Variants in ARAP2 observed in about 807,000 individuals in gnomAD.
ARAP2 encodes arf-GAP with Rho-GAP domain, ANK repeat and PH domain-containing protein 2.
A neutral mutation model predicts 194.5 loss-of-function variants in ARAP2; 148 were observed. That is an observed-to-expected ratio of 0.76 (90% CI 0.67 to 0.87). The LOEUF (loss-of-function observed/expected upper bound fraction) is 0.87, where lower values mean the gene tolerates loss of function less well. Among genes scored for constraint, ARAP2 ranks in the 40% least tolerant of loss-of-function variants. ARAP2 has a pLI of 0.00. For missense variants in ARAP2, 2,128 were observed against 1,989.7 expected (o/e 1.07, Z -1.32); for synonymous variants, 695 against 683.5 (o/e 1.02, Z -0.26).
At chr4:36,171,480 T>C (rs1358025983) in intron 9 of ARAP2, among the ~76,000 whole-genome samples, 2 of 143,710 alleles carry the variant, frequency 1.4e-5, no homozygotes, top group Non-Finnish European at 3.0e-5. Context: ...TGAGAACACA[T>C]GGACACAGGA....
At chr4:36,238,623 A>T (rs1752884190) in intron 1 of ARAP2, among the ~76,000 whole-genome samples, 1 of 152,230 alleles carries the variant, frequency 6.6e-6, no homozygotes, top group African/African-American at 2.4e-5. Flanking sequence ...TTCAAGTTTT[A>T]TACACCATTT....
downstream of ARAP2, among the ~76,000 whole-genome samples, chr4:36,062,685 G>T (rs1724660458): frequency 6.6e-6 from 1 of 151,232 alleles, no homozygotes; most frequent in Non-Finnish European, 1.5e-5. Context: ...GTTGAAAAAA[G>T]TCAACAAGTT....
chr4:36,153,423 C>A (rs1731478471), intron 15 of ARAP2, among the ~76,000 whole-genome samples: 1 of 152,150 alleles, frequency 6.6e-6, no homozygotes. Flanking sequence ...CTCTGCTCCA[C>A]AAGTCATTTT....
chr4:36,020,941 A>G (rs1418964098), intron 5 of ARAP2, among the ~76,000 whole-genome samples: 1 of 152,196 alleles, frequency 6.6e-6, no homozygotes, highest in Non-Finnish European at 1.5e-5. Context: ...AAACTTAATT[A>G]CTAATTAGAT....
At chr4:36,073,038 T>A (rs756617375) in intron 32 of ARAP2, among the ~76,000 whole-genome samples, 3 of 152,154 alleles carry the variant, frequency 2.0e-5, no homozygotes, top group Non-Finnish European at 2.9e-5. Context: ...TTTCAGAGAC[T>A]CAATTAAGAC....
At position 36,128,882 on chromosome 4, in the gene ARAP2, A is replaced by G. The variant is rs1232213911; in HGVS notation, c.3428-137T>C. On this transcript the variant is annotated intron_variant, in intron 20 of 32. Coordinates refer to ENST00000303965, the MANE Select transcript of ARAP2 (RefSeq NM_015230.4). ...TACGCAAGAGATGATATAAACATGCATGAGCAGGAAAGGCTTTTTACTCCT... is the reference window on the plus strand; with the variant it reads ...TACGCAAGAGATGATATAAACATGCGTGAGCAGGAAAGGCTTTTTACTCCT... 4.2e-6 allele frequency: 3 copies of G among 707,764 alleles called. No homozygotes were observed. In the Admixed American group the frequency reaches 8.8e-5, roughly 21 times the overall value. The allele number at this position is 707,764 out of a possible 1,614,324, so 43.8% of individuals were successfully genotyped here.
At chr4:36,080,142 A>T in intron 31 of ARAP2, 74 bp downstream of exon 31, 1 of 1,246,146 alleles carries the variant, frequency 8.0e-7, no homozygotes, top group Non-Finnish European at 1.1e-6. Context: ...ATTCTTTAGA[A>T]ATCACCATCA....
chr4:36,072,609 T>G (rs1277217249), intron 32 of ARAP2, among the ~76,000 whole-genome samples: 2 of 151,370 alleles, frequency 1.3e-5, no homozygotes, highest in African/African-American at 2.4e-5. Flanking sequence ...CTCTTAGAAT[T>G]TTAAGATACT....
chr4:36,041,864 C>A (rs888058321), intron 5 of ARAP2, among the ~76,000 whole-genome samples: 2 of 152,122 alleles, frequency 1.3e-5, no homozygotes, highest in African/African-American at 4.8e-5. Context: ...GAGATCATGT[C>A]TTTTGTGGGA....
intron 20 of ARAP2, among the ~76,000 whole-genome samples, chr4:36,130,967 C>G (rs1324259491): frequency 1.3e-5 from 2 of 151,782 alleles, no homozygotes; most frequent in African/African-American, 4.8e-5. Context: ...TCCCCAAGAA[C>G]TAGTGTAATT....
intron 31 of ARAP2, among the ~76,000 whole-genome samples, chr4:36,077,188 A>G (rs539688177): frequency 6.6e-6 from 1 of 152,208 alleles, no homozygotes; most frequent in African/African-American, 2.4e-5. Flanking sequence ...AGGAGAGGAC[A>G]AGATGGTGTC....
intron 27 of ARAP2, among the ~76,000 whole-genome samples, chr4:36,101,484 G>T (rs1332006877): frequency 1.3e-5 from 2 of 148,804 alleles, no homozygotes; most frequent in African/African-American, 2.5e-5. Context: ...TTATTACATT[G>T]AATTATAATA....
intron 5 of ARAP2, chr4:36,019,351 C>T (rs1716472500): frequency 6.7e-6 from 1 of 149,178 alleles, no homozygotes; most frequent in Admixed American, 6.6e-5. Context: ...TGTATTAAGG[C>T]TCAGTTTTTT....
At chr4:36,056,722 T>C (rs1278391945) in intron 2 of ARAP2, among the ~76,000 whole-genome samples, 1 of 152,150 alleles carries the variant, frequency 6.6e-6, no homozygotes, top group African/African-American at 2.4e-5. Context: ...TTTTCTACTT[T>C]GAATTACTAA....
intron 9 of ARAP2, among the ~76,000 whole-genome samples, chr4:36,170,882 T>C (rs879356750): frequency 1.1e-4 from 16 of 152,034 alleles, no homozygotes; most frequent in Non-Finnish European, 1.8e-4. Flanking sequence ...ACTGGGTATC[T>C]GCCTTGAGGA....
chr4:36,093,750 C>G (rs11930398), intron 27 of ARAP2, among the ~76,000 whole-genome samples: 1 of 151,982 alleles, frequency 6.6e-6, no homozygotes, highest in Non-Finnish European at 1.5e-5. Context: ...CCTGACAGAA[C>G]GTTTTTTCAG....
At chr4:36,114,406 T>C in intron 25 of ARAP2, 119 bp from the exon 26 acceptor site, 1 of 664,250 alleles carries the variant, frequency 1.5e-6, no homozygotes, top group Non-Finnish European at 2.6e-6. Context: ...TTGAGCATGG[T>C]TAAAACCAGC....
chr4:36,148,475 G>C lies in ARAP2; in HGVS notation c.2930C>G (p.Ser977Cys), dbSNP rs1730168946. The C allele has an allele frequency of 6.2e-7, 1 of 1,612,978 alleles. No homozygotes were observed. Among genetic ancestry groups the C allele is most frequent in the South Asian group, 1.1e-5 (1 of 91,026 alleles). The change falls in exon 17 of 33, where the codon TCC (serine) becomes TGC (cysteine). Residue 977 changes from serine (S) to cysteine (C), a missense_variant. By Grantham distance (112) the Ser-to-Cys change is moderately radical. Coordinates refer to ENST00000303965, the MANE Select transcript of ARAP2 (RefSeq NM_015230.4). ...AGCTCCAAATAAAAACACACGTTCG[G>C]AGGGTAAGTAGATCTCAAAGATAAA... ...PIFIFEIYLP[S>C]ERVFLFGAET...
At position 36,165,048 on chromosome 4, in the gene ARAP2, T is replaced by C; in HGVS notation, c.2039A>G (p.Glu680Gly). 6.2e-7 allele frequency: 1 copy of C among 1,614,120 alleles called. No homozygotes were observed. ...WIEAVQQSIA[E>G]TLSDYEVAEK... is the part of the protein sequence containing the mutation. ...AGCTACTTCATAATCAGAGAGAGTT[T>C]CTGCTATTGATTGCTGCACAGCTTC... Residue 680 changes from glutamate to glycine, a missense_variant, in exon 11 of 33, where the codon GAA (glutamate) becomes GGA (glycine). Coordinates refer to ENST00000303965, the MANE Select transcript of ARAP2 (RefSeq NM_015230.4).
Sources: gnomAD v4.1 joint callset for allele counts (sites outside exome capture counted in the v4.1 genomes callset) on GRCh38, gnomAD v4.1.1 for gene constraint, MANE v1.5 for transcripts, NCBI Gene and HGNC (gene_info 2026-07-23, HGNC 2026-07-21) for gene names.